Variants in CSMD1 observed in about 807,000 individuals in gnomAD.
CSMD1 encodes the protein CUB and Sushi multiple domains 1.
CSMD1 carries 213 observed loss-of-function variants against 417.5 expected under a neutral mutation model. The ratio of observed to expected loss-of-function variants is 0.51; its 90% CI spans 0.46 to 0.57. The LOEUF (loss-of-function observed/expected upper bound fraction) is 0.57, where lower values mean the gene tolerates loss of function less well. Among genes scored for constraint, CSMD1 ranks in the 20% least tolerant of loss-of-function variants. The probability of loss-of-function intolerance (pLI) is 0.00; values close to 1 mark genes in which losing one functional copy is unlikely to be tolerated. For synonymous variants in CSMD1, 2,862 were observed against 1,736.8 expected, an observed-to-expected ratio of 1.65 and a Z score of -16.11; for missense variants, 6,923 against 4,529.7, an observed-to-expected ratio of 1.53 and a Z score of -15.17.
intron 2 of CSMD1, among the ~76,000 whole-genome samples, chr8:4,457,427 G>A (rs1799557883): frequency 6.6e-6 from 1 of 151,990 alleles, no homozygotes; most frequent in Admixed American, 6.6e-5. Context: ...GGGAGTGACA[G>A]GGAAAAAACA....
intron 1 of CSMD1, among the ~76,000 whole-genome samples, chr8:4,979,347 C>T (rs1810745185): frequency 6.6e-6 from 1 of 152,090 alleles, no homozygotes; most frequent in Admixed American, 6.6e-5. Context: ...TTGACATTCC[C>T]TTTGTAAAGA....
intron 3 of CSMD1, among the ~76,000 whole-genome samples, chr8:4,145,165 C>A (rs1453044944): frequency 1.3e-5 from 2 of 151,032 alleles, no homozygotes; most frequent in Non-Finnish European, 2.9e-5. Flanking sequence ...GGCACGAACC[C>A]ATTCATTCAA....
At chr8:3,482,426 A>G (rs1817801860) in intron 11 of CSMD1, among the ~76,000 whole-genome samples, 1 of 152,206 alleles carries the variant, frequency 6.6e-6, no homozygotes, top group South Asian at 2.1e-4. Flanking sequence ...AGAGACAAAG[A>G]GGGACACCAC....
At chr8:4,457,445 T>C (rs975743620) in intron 2 of CSMD1, among the ~76,000 whole-genome samples, 1 of 152,044 alleles carries the variant, frequency 6.6e-6, no homozygotes, top group African/African-American at 2.4e-5. Context: ...ACAAACATAA[T>C]GCATTGAAAA....
At chr8:4,228,031 T>G (rs899047039) in intron 3 of CSMD1, among the ~76,000 whole-genome samples, 6 of 151,396 alleles carry the variant, frequency 4.0e-5, no homozygotes, top group African/African-American at 1.5e-4. Context: ...CACCCCACAT[T>G]AAATCCCACA....
At chr8:4,839,748 G>T (rs1028343200) in intron 1 of CSMD1, among the ~76,000 whole-genome samples, 1 of 152,048 alleles carries the variant, frequency 6.6e-6, no homozygotes, top group Non-Finnish European at 1.5e-5. Flanking sequence ...TAATAGCCTC[G>T]AATTTTAAAA....
rs147300205 is a variant in CSMD1 at position 4,413,296 on chromosome 8, T to G, written c.415+6657A>C. 2.2e-3 allele frequency among the ~76,000 whole-genome samples: 333 copies of G among 152,292 alleles called. 2 individuals carry two copies. The highest frequency in any genetic ancestry group is 7.8e-3 in the African/African-American group (324 of 41,552). ...GATCCTCAATGACACAGCTTCTCCT[T>G]GGGCTCTGTGCTTTTAACTACGCTC... On this transcript the variant is annotated intron_variant, in intron 3 of 69. Coordinates refer to ENST00000635120, the MANE Select transcript of CSMD1 (RefSeq NM_033225.6).
chr8:4,969,630 T>C (rs1810110807), intron 1 of CSMD1, among the ~76,000 whole-genome samples: 2 of 152,036 alleles, frequency 1.3e-5, no homozygotes, highest in African/African-American at 4.8e-5. Context: ...GGCTGTGCTT[T>C]TGAACATGTT....
chr8:3,909,526 G>A (rs1450640058), intron 5 of CSMD1, among the ~76,000 whole-genome samples: 1 of 152,104 alleles, frequency 6.6e-6, no homozygotes, highest in Admixed American at 6.5e-5. Context: ...CCCACAGCGT[G>A]GTCGCTCTCC....
At chr8:3,284,014 C>G (rs1802946713) in intron 26 of CSMD1, 130 bp downstream of exon 26, 2 of 826,104 alleles carry the variant, frequency 2.4e-6, no homozygotes, top group African/African-American at 1.7e-5. Context: ...ATGCATTTTC[C>G]TAACTTCAAA....
chr8:4,222,158 C>A (rs1801070100), intron 3 of CSMD1, among the ~76,000 whole-genome samples: 1 of 151,696 alleles, frequency 6.6e-6, no homozygotes, highest in Non-Finnish European at 1.5e-5. Context: ...GCCTTACCAC[C>A]ATCTCAAAAC....
chr8:3,253,986 T>A (rs1484666626), intron 26 of CSMD1, among the ~76,000 whole-genome samples: 1 of 152,234 alleles, frequency 6.6e-6, no homozygotes, highest in Non-Finnish European at 1.5e-5. Context: ...TCTTTACAAT[T>A]TTGCATGTTT....
intron 12 of CSMD1, among the ~76,000 whole-genome samples, chr8:3,462,583 G>A (rs1291237514): frequency 6.6e-6 from 1 of 152,154 alleles, no homozygotes; most frequent in Non-Finnish European, 1.5e-5. Context: ...AGATGGGACT[G>A]TCTAGTTGCA....
At chr8:3,507,062 T>G (rs541545763) in intron 10 of CSMD1, among the ~76,000 whole-genome samples, 1 of 152,308 alleles carries the variant, frequency 6.6e-6, no homozygotes, top group South Asian at 2.1e-4. Flanking sequence ...ACATAGAGCT[T>G]GGTGTCATGG....
intron 1 of CSMD1, among the ~76,000 whole-genome samples, chr8:4,985,675 A>G (rs73497797): frequency 0.083 from 12,603 of 152,250 alleles, 665 homozygotes; most frequent in African/African-American, 0.15. Flanking sequence ...TCTCACCTGA[A>G]TTTCCCTTGA....
intron 1 of CSMD1, among the ~76,000 whole-genome samples, chr8:4,717,912 G>C (rs150729980): frequency 1.1e-4 from 16 of 152,222 alleles, no homozygotes; most frequent in African/African-American, 3.9e-4. Flanking sequence ...CTAAAGTATT[G>C]ATACAGAAGA....
At chr8:3,923,406 T>C (rs1809419110) in intron 5 of CSMD1, among the ~76,000 whole-genome samples, 1 of 152,228 alleles carries the variant, frequency 6.6e-6, no homozygotes, top group Non-Finnish European at 1.5e-5. Context: ...TTGCTTATTT[T>C]GTCAATTTGA....
chr8:4,640,606 G>C (rs961685762), intron 1 of CSMD1, among the ~76,000 whole-genome samples: 2 of 152,084 alleles, frequency 1.3e-5, no homozygotes, highest in African/African-American at 2.4e-5. Flanking sequence ...GTACATCTAA[G>C]CTTAATGTAA....
At chr8:3,194,816 G>C (rs1445365839) in intron 33 of CSMD1, among the ~76,000 whole-genome samples, 1 of 151,906 alleles carries the variant, frequency 6.6e-6, no homozygotes, top group Non-Finnish European at 1.5e-5. Context: ...AGTCTTTCCA[G>C]CAGAAGACCC....
Sources: gnomAD v4.1 joint callset for allele counts (sites outside exome capture counted in the v4.1 genomes callset) on GRCh38, gnomAD v4.1.1 for gene constraint, MANE v1.5 for transcripts, NCBI Gene and HGNC (gene_info 2026-07-23, HGNC 2026-07-21) for gene names.